Variants in ULK4 observed in about 807,000 individuals in gnomAD.
ULK4 encodes unc-51 like kinase 4, also known as inactive serine/threonine-protein kinase ULK4.
A neutral mutation model predicts 160.6 loss-of-function variants in ULK4; 133 were observed. The ratio of observed to expected loss-of-function variants is 0.83; its 90% confidence interval spans 0.72 to 0.96. The LOEUF (loss-of-function observed/expected upper bound fraction) is 0.96, where lower values mean the gene tolerates loss of function less well. ULK4 is among the 40% of genes least tolerant of loss of function. The probability of loss-of-function intolerance (pLI) is 0.00; values close to 1 mark genes in which losing one functional copy is unlikely to be tolerated. For missense variants in ULK4, 1,580 were observed against 1,499.5 expected, an observed-to-expected ratio of 1.05 and a Z score of -0.89; for synonymous variants, 534 against 539.8, an observed-to-expected ratio of 0.99 and a Z score of 0.15.
At chr3:41,277,942 T>C (rs765470643) in intron 35 of ULK4, 1 of 152,268 alleles carries the variant, frequency 6.6e-6, no homozygotes, top group Non-Finnish European at 1.5e-5. Flanking sequence ...TCTCATGGGA[T>C]GCACATGGGT....
At chr3:41,838,367 G>A (rs1201681088) in intron 17 of ULK4, among the ~76,000 whole-genome samples, 1 of 151,970 alleles carries the variant, frequency 6.6e-6, no homozygotes, top group Admixed American at 6.6e-5. Flanking sequence ...AATGAGAGAG[G>A]GTAAAGGGAT....
At chr3:41,532,558 A>G (rs989240476) in intron 32 of ULK4, among the ~76,000 whole-genome samples, 12 of 152,172 alleles carry the variant, frequency 7.9e-5, no homozygotes, top group African/African-American at 2.7e-4. Flanking sequence ...TATTCTTTGC[A>G]CATGGAACAA....
At chr3:41,676,089 G>A (rs1046976554) in intron 29 of ULK4, among the ~76,000 whole-genome samples, 3 of 152,090 alleles carry the variant, frequency 2.0e-5, no homozygotes, top group African/African-American at 4.8e-5. Context: ...GAGAACCCAC[G>A]GACACTGTGG....
chr3:41,430,271 T>C (rs6767241), intron 34 of ULK4, among the ~76,000 whole-genome samples: 46,732 of 152,130 alleles, frequency 0.31, 7,365 homozygotes, highest in Middle Eastern at 0.34. Context: ...AGCTTAGACA[T>C]AGTTAAGCCT....
intron 35 of ULK4, among the ~76,000 whole-genome samples, chr3:41,286,437 C>T (rs1479725666): frequency 6.6e-6 from 1 of 152,104 alleles, no homozygotes; most frequent in Non-Finnish European, 1.5e-5. Flanking sequence ...ATGACAAGCC[C>T]ACCATATGCT....
rs1697009545 is a variant in ULK4, at chr3:41,869,311, G to A, written c.1656+14563C>T. Among the ~76,000 whole-genome samples, 4 of 152,156 alleles carry A rather than the reference G, an allele frequency of 2.6e-5. No individual in the cohort carries two copies. In the South Asian group the frequency reaches 6.2e-4, roughly 24 times the overall value. ...TGGGCTATACAGGGCACCATGGCTC[G>A]TGCCTATAATCCCGGCACTTTGGGA... On this transcript the variant is annotated intron_variant, in intron 17 of 36. Coordinates refer to ENST00000301831, the MANE Select transcript of ULK4 (RefSeq NM_017886.4).
chr3:41,941,047 T>C (rs1169508507), intron 2 of ULK4, among the ~76,000 whole-genome samples: 1 of 151,904 alleles, frequency 6.6e-6, no homozygotes, highest in Non-Finnish European at 1.5e-5. Flanking sequence ...TTTTTTTTTT[T>C]TTTTTGAAAC....
chr3:41,502,377 T>A (rs2085240806), intron 32 of ULK4, among the ~76,000 whole-genome samples: 1 of 152,220 alleles, frequency 6.6e-6, no homozygotes, highest in African/African-American at 2.4e-5. Context: ...ATCTTTTAAA[T>A]AACAGAGATG....
At chr3:41,730,425 A>T (rs1559513047) in intron 22 of ULK4, among the ~76,000 whole-genome samples, 1 of 152,212 alleles carries the variant, frequency 6.6e-6, no homozygotes, top group Admixed American at 6.5e-5. Flanking sequence ...ATAAACTCAG[A>T]GATAAAAAGT....
intron 18 of ULK4, among the ~76,000 whole-genome samples, chr3:41,834,066 A>T (rs2041681486): frequency 6.6e-6 from 1 of 151,110 alleles, no homozygotes; most frequent in Non-Finnish European, 1.5e-5. Flanking sequence ...ATATTAAATT[A>T]CACATAATTA....
intron 2 of ULK4, among the ~76,000 whole-genome samples, chr3:41,946,156 G>A (rs1206456935): frequency 6.6e-6 from 1 of 152,076 alleles, no homozygotes; most frequent in African/African-American, 2.4e-5. Flanking sequence ...ATACTCTCCC[G>A]TATGTATATT....
intron 17 of ULK4, among the ~76,000 whole-genome samples, chr3:41,843,475 G>C (rs1268271528): frequency 6.6e-6 from 1 of 152,126 alleles, no homozygotes; most frequent in Non-Finnish European, 1.5e-5. Context: ...GATGTATTTG[G>C]AGTTTCCTCC....
chr3:41,469,618 A>AAAAAAAAAAC (rs2083923484), intron 32 of ULK4, among the ~76,000 whole-genome samples: 1 of 148,602 alleles, frequency 6.7e-6, no homozygotes, highest in African/African-American at 2.5e-5. Flanking sequence ...AAAAAAAAAA[A>AAAAAAAAAAC]AAAAAAAAAC....
At chr3:41,518,983 G>C (rs145911668) in intron 32 of ULK4, among the ~76,000 whole-genome samples, 8 of 152,298 alleles carry the variant, frequency 5.3e-5, no homozygotes, top group African/African-American at 1.9e-4. Flanking sequence ...ATTGGCAAAT[G>C]TAAGAAAGAA....
At chr3:41,292,389 C>T (rs2079584756) in intron 35 of ULK4, among the ~76,000 whole-genome samples, 2 of 152,168 alleles carry the variant, frequency 1.3e-5, no homozygotes, top group Non-Finnish European at 2.9e-5. Context: ...TCCAGTACCT[C>T]AGCTTGTAAC....
intron 19 of ULK4, among the ~76,000 whole-genome samples, chr3:41,800,752 G>C (rs543180239): frequency 1.3e-5 from 2 of 152,284 alleles, no homozygotes; most frequent in African/African-American, 4.8e-5. Flanking sequence ...CTAAATAAGG[G>C]ACATCAAGGA....
Position 41,734,527 on chromosome 3 carries a change from TG to T in ULK4, c.2322-16667del, listed in dbSNP as rs2037960124. On this transcript the variant is annotated intron_variant, in intron 22 of 36. Coordinates refer to ENST00000301831, the MANE Select transcript of ULK4 (RefSeq NM_017886.4). ...TAAGTGTATATCAGCACATAGGTAG[TG>T]TTTGAAGCCACAGGATTAGATGAAA... 2.0e-5 allele frequency among the ~76,000 whole-genome samples: 3 copies of T among 152,140 alleles called. No homozygotes were observed. The South Asian group carries it at 6.2e-4, about 32-fold the overall frequency.
At chr3:41,392,393 G>A (rs1444251656) in intron 35 of ULK4, among the ~76,000 whole-genome samples, 1 of 152,090 alleles carries the variant, frequency 6.6e-6, no homozygotes, top group Non-Finnish European at 1.5e-5. Context: ...AGTGAAAACT[G>A]TAGTTTTAGA....
At chr3:41,938,315 G>A in intron 2 of ULK4, 118 bp from the exon 3 acceptor site, 2 of 715,932 alleles carry the variant, frequency 2.8e-6, no homozygotes, top group Non-Finnish European at 4.5e-6. Flanking sequence ...TTTATTTGGT[G>A]GAATTCTATA....
Sources: allele counts gnomAD v4.1 joint callset (sites outside exome capture counted in the v4.1 genomes callset), GRCh38; gene constraint gnomAD v4.1.1; transcripts MANE v1.5; gene names NCBI Gene and HGNC (gene_info 2026-07-23, HGNC 2026-07-21).